The following SYT13 variants were observed in gnomAD, a reference collection of about 807,000 sequenced individuals.
SYT13 encodes synaptotagmin-13.
SYT13 carries 21 observed loss-of-function variants against 38.6 expected under a neutral mutation model. That is an observed-to-expected ratio of 0.54 (90% CI 0.39 to 0.78). The LOEUF is 0.78. Ranked by LOEUF, SYT13 falls within the 30% of genes least tolerant of loss-of-function variation. The probability of loss-of-function intolerance (pLI) is 0.00; values close to 1 mark genes in which losing one functional copy is unlikely to be tolerated. For missense variants in SYT13, 495 were observed against 548.7 expected, an observed-to-expected ratio of 0.90 and a Z score of 0.98; for synonymous variants, 241 against 237.6, an observed-to-expected ratio of 1.01 and a Z score of -0.13.
At chr11:45,275,348 C>T (rs141026363) in intron 1 of SYT13, among the ~76,000 whole-genome samples, 116 of 152,222 alleles carry the variant, frequency 7.6e-4, no homozygotes, top group African/African-American at 2.4e-3. Context: ...GACTCAATTT[C>T]GCAGAATTCT....
At chr11:45,281,270 G>C (rs1320218220) in intron 1 of SYT13, among the ~76,000 whole-genome samples, 1 of 152,182 alleles carries the variant, frequency 6.6e-6, no homozygotes, top group African/African-American at 2.4e-5. Context: ...ATCTACTAGA[G>C]TTCCACTGAA....
chr11:45,248,770 C>T (rs1309474169), intron 4 of SYT13, among the ~76,000 whole-genome samples: 1 of 152,186 alleles, frequency 6.6e-6, no homozygotes, highest in Non-Finnish European at 1.5e-5. Context: ...ACCTACAGAC[C>T]AGGTGAGAGG....
intron 1 of SYT13, chr11:45,285,726 A>T (rs1468818130): frequency 1.6e-6 from 1 of 632,056 alleles, no homozygotes; most frequent in Non-Finnish European, 2.9e-6. Flanking sequence ...ATTCTTATCC[A>T]GGTCCCCTTT....
At chr11:45,271,647 A>G (rs961415814) in intron 1 of SYT13, among the ~76,000 whole-genome samples, 1 of 152,250 alleles carries the variant, frequency 6.6e-6, no homozygotes, top group Admixed American at 6.5e-5. Flanking sequence ...GAGTAGGAGA[A>G]TGACATGAGC....
At chr11:45,257,121 T>C (rs1017837729) in intron 1 of SYT13, among the ~76,000 whole-genome samples, 2 of 152,226 alleles carry the variant, frequency 1.3e-5, no homozygotes, top group Admixed American at 6.5e-5. Context: ...TAGGCCCTTT[T>C]CGCTTGGAAC....
At chr11:45,275,303 T>A (rs918200703) in intron 1 of SYT13, among the ~76,000 whole-genome samples, 2 of 152,226 alleles carry the variant, frequency 1.3e-5, no homozygotes, top group African/African-American at 2.4e-5. Context: ...CAATGAAATA[T>A]GTCAAAATAT....
intron 1 of SYT13, among the ~76,000 whole-genome samples, chr11:45,260,474 C>T (rs1275656813): frequency 6.6e-6 from 1 of 152,088 alleles, no homozygotes; most frequent in Admixed American, 6.6e-5. Flanking sequence ...AGGTGAAGAA[C>T]AAGAATGTCT....
At chr11:45,247,348 T>G (rs943468727) in intron 4 of SYT13, among the ~76,000 whole-genome samples, 1 of 152,138 alleles carries the variant, frequency 6.6e-6, no homozygotes, top group African/African-American at 2.4e-5. Context: ...GTCAGAAGTC[T>G]CCTCTGTTGA....
chr11:45,243,754 C>T lies in SYT13; in HGVS notation c.*298G>A, dbSNP rs1394978711. The T allele has an allele frequency of 1.6e-5, 5 of 310,284 alleles. No individual in the cohort carries two copies. The East Asian group carries it at 2.1e-4, about 13-fold the overall frequency. 19.2% of individuals were successfully genotyped at this position (310,284 alleles called of 1,614,324 possible). A position where few individuals can be genotyped will look rare whatever the true frequency, so the allele number is the denominator to read the frequency against. On this transcript the variant is annotated 3_prime_UTR_variant, in exon 6 of 6. Coordinates refer to ENST00000020926, the MANE Select transcript of SYT13 (RefSeq NM_020826.3). The stretch of plus-strand genomic sequence containing the variant: ...TTGCATCCATGATTCCCACATTTAG[C>T]TTTCTCTGCATCTGGCCTAACCCCA...
chr11:45,275,824 G>A (rs935951461), intron 1 of SYT13, among the ~76,000 whole-genome samples: 3 of 152,084 alleles, frequency 2.0e-5, no homozygotes, highest in Non-Finnish European at 4.4e-5. Context: ...AATTTTAGTG[G>A]GACCCATGAG....
chr11:45,281,211 G>A (rs1855069511), intron 1 of SYT13, among the ~76,000 whole-genome samples: 1 of 151,538 alleles, frequency 6.6e-6, no homozygotes, highest in African/African-American at 2.4e-5. Context: ...AAAAAAGAAA[G>A]AAAGAAATTC....
At chr11:45,250,153 C>T (rs1171334670) in intron 4 of SYT13, among the ~76,000 whole-genome samples, 1 of 152,220 alleles carries the variant, frequency 6.6e-6, no homozygotes, top group Non-Finnish European at 1.5e-5. Flanking sequence ...CTGCCCTATA[C>T]ACCCAGAAAG....
intron 1 of SYT13, among the ~76,000 whole-genome samples, chr11:45,279,811 C>A (rs552731664): frequency 4.5e-4 from 69 of 152,218 alleles, no homozygotes; most frequent in African/African-American, 1.6e-3. Flanking sequence ...GGAGGTCAGA[C>A]CTTACAGCCT....
Position 45,247,590 on chromosome 11 carries a change from C to T in SYT13, c.847-1078G>A, listed in dbSNP as rs113787652. 2.0e-4 allele frequency among the ~76,000 whole-genome samples: 30 copies of T among 152,332 alleles called. 1 individual carries two copies. The highest frequency in any genetic ancestry group is 7.2e-4 in the Admixed American group (11 of 15,312). Reference sequence around the variant, plus strand: ...GGTACCAGGCTGGAGCCCTGGCTAACAGCCACCGTGACTCCCTAAGCTTCC... The same window carrying T: ...GGTACCAGGCTGGAGCCCTGGCTAATAGCCACCGTGACTCCCTAAGCTTCC... On this transcript the variant is annotated intron_variant, in intron 4 of 5. Coordinates refer to ENST00000020926, the MANE Select transcript of SYT13 (RefSeq NM_020826.3).
At chr11:45,272,328 G>C (rs1433538801) in intron 1 of SYT13, among the ~76,000 whole-genome samples, 1 of 152,028 alleles carries the variant, frequency 6.6e-6, no homozygotes, top group South Asian at 2.1e-4. Flanking sequence ...ATGTATCCCA[G>C]AAATTAAAGT....
At chr11:45,269,332 CAAAA>C (rs529785391) in intron 1 of SYT13, 76 of 773,050 alleles carry the variant, frequency 9.8e-5, no homozygotes, top group Non-Finnish European at 1.2e-4. Flanking sequence ...AAAAAACAAA[CAAAA>C]AAACAAAACA....
rs370685903 is a variant in SYT13 at position 45,252,346 on chromosome 11, C to T, written c.846+75G>A. On this transcript the variant is annotated intron_variant, in intron 4 of 5. Transcript: ENST00000020926. The surrounding 1 kb of genome is among the most constrained non-coding windows in gnomAD (Gnocchi z 4.3). ...AGGCTTGTTCCCTAAGACTGAGTTG[C>T]TGGGAGGACACCAGGTTCTGCCATC... The T allele has an allele frequency of 6.8e-7, 1 of 1,479,676 alleles. No individual in the cohort carries two copies. Among genetic ancestry groups the T allele is most frequent in the Non-Finnish European group, 9.0e-7 (1 of 1,111,836 alleles). The allele number at this position is 1,479,676 out of a possible 1,614,324, so 91.7% of individuals were successfully genotyped here.
At chr11:45,269,433 C>G (rs1344498409) in intron 1 of SYT13, 6 of 1,255,758 alleles carry the variant, frequency 4.8e-6, no homozygotes, top group Non-Finnish European at 6.1e-6. Context: ...TGTAGGTGGC[C>G]CCTGCATTAT....
At chr11:45,273,576 C>A (rs992081607) in intron 1 of SYT13, among the ~76,000 whole-genome samples, 1 of 152,188 alleles carries the variant, frequency 6.6e-6, no homozygotes, top group African/African-American at 2.4e-5. Flanking sequence ...TGACTTCTAG[C>A]ACTTACTACA....
Sources: allele counts gnomAD v4.1 joint callset (sites outside exome capture counted in the v4.1 genomes callset), GRCh38; gene constraint gnomAD v4.1.1; non-coding constraint Gnocchi (gnomAD v3.1); transcripts MANE v1.5; gene names NCBI Gene and HGNC (gene_info 2026-07-23, HGNC 2026-07-21).